Variants in EPHA5 observed in about 807,000 individuals in gnomAD.
The protein encoded by EPHA5 is EPH receptor A5.
A neutral mutation model predicts 105.0 loss-of-function variants in EPHA5; 60 were observed. The observed-to-expected ratio is 0.57, with a 90% confidence interval of 0.46 to 0.71. EPHA5 has a LOEUF of 0.71. EPHA5 is among the 30% of genes least tolerant of loss of function. EPHA5 has a pLI of 0.00. For synonymous variants in EPHA5, 513 were observed against 449.1 expected (o/e 1.14, Z -1.80); for missense variants, 1,218 against 1,274.7 (o/e 0.96, Z 0.68).
intron 6 of EPHA5, among the ~76,000 whole-genome samples, chr4:65,415,267 GT>G (rs1723282009): frequency 6.6e-6 from 1 of 151,982 alleles, no homozygotes; most frequent in Non-Finnish European, 1.5e-5. Flanking sequence ...TTTATATTCA[GT>G]TTCCTTATCA....
chr4:65,385,845 T>G (rs1277465436), intron 8 of EPHA5, among the ~76,000 whole-genome samples: 1 of 151,760 alleles, frequency 6.6e-6, no homozygotes, highest in Admixed American at 6.6e-5. Flanking sequence ...ATTTTAATAT[T>G]ATAATATTTA....
chr4:65,488,217 C>T (rs1731064837), intron 5 of EPHA5, among the ~76,000 whole-genome samples: 1 of 152,018 alleles, frequency 6.6e-6, no homozygotes, highest in Non-Finnish European at 1.5e-5. Context: ...AAGTTAAAGA[C>T]AACTATAGCA....
chr4:65,579,925 C>A (rs1741449186), intron 3 of EPHA5, among the ~76,000 whole-genome samples: 1 of 151,994 alleles, frequency 6.6e-6, no homozygotes, highest in Admixed American at 6.6e-5. Context: ...ACTGATTATA[C>A]AACAAAGATT....
intron 8 of EPHA5, among the ~76,000 whole-genome samples, chr4:65,382,930 C>T (rs1056336592): frequency 6.6e-5 from 10 of 151,094 alleles, no homozygotes; most frequent in Admixed American, 6.6e-5. Context: ...TATTAATGGC[C>T]TGCATGTAAG....
intron 5 of EPHA5, among the ~76,000 whole-genome samples, chr4:65,454,556 C>T (rs1179086804): frequency 6.6e-6 from 1 of 152,108 alleles, no homozygotes; most frequent in Admixed American, 6.5e-5. Context: ...AGAATGTACA[C>T]ATTATACATG....
chr4:65,482,232 A>C (rs1162190355), intron 5 of EPHA5, among the ~76,000 whole-genome samples: 1 of 114,602 alleles, frequency 8.7e-6, no homozygotes, highest in East Asian at 5.8e-4. Flanking sequence ...CAGGAGGCGG[A>C]GGTTACAGTG....
chr4:65,453,135 A>T (rs1483926194), intron 5 of EPHA5, among the ~76,000 whole-genome samples: 1 of 152,168 alleles, frequency 6.6e-6, no homozygotes, highest in East Asian at 1.9e-4. Context: ...CTTGAATTTT[A>T]CTATACCAGC....
rs376309844 is a variant in EPHA5 at position 65,636,479 on chromosome 4, T to C, written c.246+6884A>G. Among the ~76,000 whole-genome samples, 19 of 152,200 alleles carry C rather than the reference T, an allele frequency of 1.2e-4. 1 individual carries two copies. The highest frequency in any genetic ancestry group is 4.6e-4 in the African/African-American group (19 of 41,524). ...GAAATGGACTCAGTCTCCAAGTAAA[T>C]GCAAAGCCTTGGGAAAGTCACTTAC... On this transcript the variant is annotated intron_variant, in intron 2 of 16. Coordinates refer to ENST00000613740, the MANE Select transcript of EPHA5 (RefSeq NM_001281766.3).
chr4:65,586,905 C>T (rs1198791993), intron 3 of EPHA5, among the ~76,000 whole-genome samples: 2 of 152,020 alleles, frequency 1.3e-5, no homozygotes, highest in Non-Finnish European at 2.9e-5. Context: ...CTGTTCTACC[C>T]ATTAGAACAT....
rs867963513 is a variant in EPHA5, at chr4:65,659,347, A to C, written c.181+10215T>G. On this transcript the variant is annotated intron_variant, in intron 1 of 16. Transcript: ENST00000613740. ...AAAAAAAAAAAAAAAAAAAAAAAAA[A>C]AAAAAAAAAAACAGGAAAGGTAAAG... Among the ~76,000 whole-genome samples the C allele has an allele frequency of 2.8e-4, 26 of 91,586 alleles. 1 individual carries two copies. The highest frequency in any genetic ancestry group is 8.2e-4 in the African/African-American group (23 of 27,890). 60.1% of individuals were successfully genotyped at this position (91,586 alleles called of 152,430 possible).
intron 5 of EPHA5, among the ~76,000 whole-genome samples, chr4:65,434,248 A>G (rs548225841): frequency 5.5e-4 from 83 of 152,126 alleles, no homozygotes; most frequent in Admixed American, 9.8e-4. Flanking sequence ...CATTAGCAAA[A>G]TTCCTTTTTT....
At chr4:65,473,969 C>T (rs894927391) in intron 5 of EPHA5, among the ~76,000 whole-genome samples, 2 of 132,522 alleles carry the variant, frequency 1.5e-5, no homozygotes, top group African/African-American at 5.7e-5. Flanking sequence ...GAAATGAATT[C>T]TTTTTACACT....
intron 3 of EPHA5, among the ~76,000 whole-genome samples, chr4:65,515,904 T>G (rs1734062572): frequency 6.6e-6 from 1 of 152,088 alleles, no homozygotes; most frequent in Non-Finnish European, 1.5e-5. Flanking sequence ...AAGGGAGAAT[T>G]CAATATCTCT....
intron 3 of EPHA5, among the ~76,000 whole-genome samples, chr4:65,556,481 G>A (rs369842832): frequency 6.6e-6 from 1 of 152,218 alleles, no homozygotes; most frequent in East Asian, 1.9e-4. Context: ...GGAATTAAAA[G>A]CATTGAGATA....
intron 7 of EPHA5, among the ~76,000 whole-genome samples, chr4:65,411,637 C>A (rs11932625): frequency 0.8 from 121,698 of 152,082 alleles, 49,104 homozygotes; most frequent in South Asian, 0.92. Flanking sequence ...GGAAAAATAC[C>A]AATAGGTTGG....
intron 3 of EPHA5, among the ~76,000 whole-genome samples, chr4:65,532,477 A>G (rs1226765445): frequency 6.6e-6 from 1 of 151,914 alleles, no homozygotes; most frequent in Non-Finnish European, 1.5e-5. Flanking sequence ...GACCAATCCT[A>G]TGTAGCTTTA....
intron 5 of EPHA5, among the ~76,000 whole-genome samples, chr4:65,478,148 A>C (rs534367023): frequency 1.9e-3 from 290 of 152,334 alleles, no homozygotes; most frequent in African/African-American, 6.6e-3. Flanking sequence ...ACAAATTTCA[A>C]TATTTCAATA....
chr4:65,572,645 G>A (rs546494517), intron 3 of EPHA5, among the ~76,000 whole-genome samples: 14 of 152,260 alleles, frequency 9.2e-5, no homozygotes, highest in Non-Finnish European at 1.8e-4. Context: ...CATGTTATAT[G>A]TACGGAATAT....
chr4:65,418,862 C>CTTTTTTTTTTTTTTTTTTT lies in EPHA5; in HGVS notation c.1527+1560_1527+1578dup, dbSNP rs575608289. Among the ~76,000 whole-genome samples, 21 of 47,074 alleles carry CTTTTTTTTTTTTTTTTTTT rather than the reference C, an allele frequency of 4.5e-4. 3 individuals carry two copies. Among genetic ancestry groups the CTTTTTTTTTTTTTTTTTTT allele is most frequent in the African/African-American group, 8.8e-4 (8 of 9,090 alleles). The allele number at this position is 47,074 out of a possible 152,430, so 30.9% of individuals were successfully genotyped here. A position where few individuals can be genotyped will look rare whatever the true frequency, so the allele number is the denominator to read the frequency against. ...AACATTCAATACACTTACCTAAACT[C>CTTTTTTTTTTTTTTTTTTT]TTTTTTTTTTTTTTTTTTTTTTTTT... is the stretch of plus-strand genomic sequence containing the variant. On this transcript the variant is annotated intron_variant, in intron 6 of 16. Transcript: ENST00000613740.
Sources: allele counts gnomAD v4.1 joint callset (sites outside exome capture counted in the v4.1 genomes callset), GRCh38; gene constraint gnomAD v4.1.1; transcripts MANE v1.5; gene names NCBI Gene and HGNC (gene_info 2026-07-23, HGNC 2026-07-21).